Variants in TP53TG5 observed in about 807,000 individuals in gnomAD.
The protein encoded by TP53TG5 is TP53-target gene 5 protein.
A neutral mutation model predicts 30.0 loss-of-function variants in TP53TG5; 17 were observed. That is an observed-to-expected ratio of 0.57 (90% CI 0.39 to 0.85). The LOEUF is 0.85. TP53TG5 is among the 40% of genes least tolerant of loss of function. The pLI, the probability that TP53TG5 is intolerant of heterozygous loss-of-function variation, is 0.00. For missense variants in TP53TG5, 338 were observed against 367.9 expected (o/e 0.92, Z 0.67); for synonymous variants, 137 against 139.2 (o/e 0.98, Z 0.11).
chr20:45,373,781 G>A lies in TP53TG5; in HGVS notation c.*126C>T. The A allele has an allele frequency of 1.2e-6, 1 of 859,486 alleles. No homozygotes were observed. Among genetic ancestry groups the A allele is most frequent in the Non-Finnish European group, 1.9e-6 (1 of 532,882 alleles). 53.2% of individuals were successfully genotyped at this position (859,486 alleles called of 1,614,324 possible). Reference sequence around the variant, plus strand: ...ACTGACCTTAGGGGCCTCGGGGTGGGGGTGGGGGAAGCCTGAAGTCGCGAC... The same window carrying A: ...ACTGACCTTAGGGGCCTCGGGGTGGAGGTGGGGGAAGCCTGAAGTCGCGAC... On this transcript the variant is annotated 3_prime_UTR_variant, in exon 5 of 5. Transcript: ENST00000372726.
chr20:45,375,853 G>A (rs1600757382), intron 3 of TP53TG5: 2 of 371,290 alleles, frequency 5.4e-6, no homozygotes, highest in East Asian at 1.1e-4. Flanking sequence ...CAGCTGGGAG[G>A]GTGAACAGTC....
Position 45,373,904 on chromosome 20 carries a change from A to G in TP53TG5, c.*3T>C. 6.2e-7 allele frequency: 1 copy of G among 1,613,410 alleles called. No homozygotes were observed. Among genetic ancestry groups the G allele is most frequent in the African/African-American group, 1.3e-5 (1 of 74,946 alleles). On this transcript the variant is annotated 3_prime_UTR_variant, in exon 5 of 5. Coordinates refer to ENST00000372726, the MANE Select transcript of TP53TG5 (RefSeq NM_014477.3). ...ATTCGTCTTAGGTGCCATATGGAAG[A>G]TCTTATTTGTAGACTCGTGAATTTC...
At chr20:45,375,859 C>T in intron 3 of TP53TG5, 1 of 360,866 alleles carries the variant, frequency 2.8e-6, no homozygotes, top group Non-Finnish European at 5.1e-6. Context: ...GGAGGGTGAA[C>T]AGTCCAGTAG....
At chr20:45,378,067 T>TCCCTTCA (rs1988785932) in intron 1 of TP53TG5, 122 bp downstream of exon 1, 1 of 1,362,546 alleles carries the variant, frequency 7.3e-7, no homozygotes, top group African/African-American at 1.4e-5. Flanking sequence ...TCTCCTGACC[T>TCCCTTCA]CCCTTCACCC....
rs759659207 is a variant in TP53TG5 at position 45,375,138 on chromosome 20, G to A, written c.669C>T (p.Pro223=). The A allele has an allele frequency of 6.2e-7, 1 of 1,614,126 alleles. No homozygotes were observed. Among genetic ancestry groups the A allele is most frequent in the East Asian group, 2.2e-5 (1 of 44,884 alleles). ...GLPTRIHLPA[P]RVMCRSSTLR... The stretch of plus-strand genomic sequence containing the variant: ...GGGTGGAGGATCTGCACATCACCCT[G>A]GGCGCCGGGAGGTGGATTCGTGTGG... Residue 223 remains proline, a synonymous_variant, in exon 4 of 5, where the codon CCC becomes CCT. Transcript: ENST00000372726.
In TP53TG5 at chr20:45,372,948, C is replaced by T. The variant is rs1444348376; in HGVS notation, c.*959G>A. ...GGGCGGGGTGGGAGGGGGGGAGAGT[C>T]CATCCAATCGTTCTCCCTCTGTCCC... is the stretch of plus-strand genomic sequence containing the variant. On this transcript the variant is annotated 3_prime_UTR_variant, in exon 5 of 5. Coordinates refer to ENST00000372726, the MANE Select transcript of TP53TG5 (RefSeq NM_014477.3). The T allele has an allele frequency of 1.3e-5, 2 of 151,984 alleles. No homozygotes were observed. Among genetic ancestry groups the T allele is most frequent in the Non-Finnish European group, 2.9e-5 (2 of 68,036 alleles). 9.4% of individuals were successfully genotyped at this position (151,984 alleles called of 1,614,324 possible).
At chr20:45,377,663 T>G (rs1988773729) in intron 1 of TP53TG5, 50 bp from the exon 2 acceptor site, 3 of 1,574,226 alleles carry the variant, frequency 1.9e-6, no homozygotes, top group Middle Eastern at 3.4e-4. Flanking sequence ...ATCAGCCAGG[T>G]GTGGTGCCTC....
In TP53TG5 at chr20:45,373,293, C is replaced by G. The variant is rs550901672; in HGVS notation, c.*614G>C. 1 of 157,328 alleles carries G rather than the reference C, an allele frequency of 6.4e-6. No individual in the cohort carries two copies. The highest frequency in any genetic ancestry group is 1.4e-5 in the Non-Finnish European group (1 of 70,538). The allele number at this position is 157,328 out of a possible 1,614,324, so 9.7% of individuals were successfully genotyped here. A position where few individuals can be genotyped will look rare whatever the true frequency, so the allele number is the denominator to read the frequency against. On this transcript the variant is annotated 3_prime_UTR_variant, in exon 5 of 5. Transcript: ENST00000372726. ...AGTAGAGATGCAGTACCAGCTCCCC[C>G]TCCTGATCCGGTGCCTTCTGTGATC...
Position 45,373,999 on chromosome 20 carries a change from A to C in TP53TG5, c.781T>G (p.Trp261Gly), listed in dbSNP as rs773867397. 2.5e-6 allele frequency: 4 copies of C among 1,614,030 alleles called. No individual in the cohort carries two copies. Among genetic ancestry groups the C allele is most frequent in the Non-Finnish European group, 3.4e-6 (4 of 1,180,036 alleles). The change falls in exon 5 of 5, where the codon TGG becomes GGG. Residue 261 changes from tryptophan to glycine, a missense_variant. Trp to Gly is a radical substitution (Grantham distance 184, BLOSUM62 -2). Transcript: ENST00000372726. Reference protein sequence around the residue: ...MWHPYKVDVTWTRARGASRGW... With the variant: ...MWHPYKVDVTGTRARGASRGW... ...CTGCTCGCACCTCTGGCTCTCGTCC[A>C]GGTCACATCAACCTGCCAGCAGAAA...
In TP53TG5 at chr20:45,375,319, G is replaced by A. The variant is rs374959663; in HGVS notation, c.488C>T (p.Ser163Leu). 2.0e-5 allele frequency: 33 copies of A among 1,613,988 alleles called. No homozygotes were observed. In the African/African-American group the frequency reaches 2.3e-4, roughly 11 times the overall value. Residue 163 changes from serine (S) to leucine (L), a missense_variant, in exon 4 of 5, where the codon TCG (serine) becomes TTG (leucine). Coordinates refer to ENST00000372726, the MANE Select transcript of TP53TG5 (RefSeq NM_014477.3). ...KHIEPEVPRTSRDDSLNPGVQ... is the reference protein window; with the variant it reads ...KHIEPEVPRTLRDDSLNPGVQ... The stretch of plus-strand genomic sequence containing the variant: ...TCCAGGGTTCAAGCTATCATCCCTC[G>A]ATGTCCTTGGAACCTCAGGCTCTAT...
rs766516206 is a variant in TP53TG5, at chr20:45,378,242, G to A, written c.-6C>T. ...TTCTTTGCTGATGGACTCATGCTGGGGCTGTGAGACCTCAGAGATGAATGG... is the reference window on the plus strand; with the variant it reads ...TTCTTTGCTGATGGACTCATGCTGGAGCTGTGAGACCTCAGAGATGAATGG... On this transcript the variant is annotated 5_prime_UTR_variant, in exon 1 of 5. Transcript: ENST00000372726. 4 of 1,614,096 alleles carry A rather than the reference G, an allele frequency of 2.5e-6. No individual in the cohort carries two copies. The South Asian group carries it at 3.3e-5, about 13-fold the overall frequency.
chr20:45,373,514 G>T lies in TP53TG5; in HGVS notation c.*393C>A. ...TCTCATTTCGCCTTTTCCCTTTCTT[G>T]GGAAAATGGAATGGGGAGCAACCAG... On this transcript the variant is annotated 3_prime_UTR_variant, in exon 5 of 5. Coordinates refer to ENST00000372726, the MANE Select transcript of TP53TG5 (RefSeq NM_014477.3). The T allele has an allele frequency of 4.0e-6, 1 of 251,274 alleles. No individual in the cohort carries two copies. Among genetic ancestry groups the T allele is most frequent in the South Asian group, 6.4e-5 (1 of 15,586 alleles). 15.6% of individuals were successfully genotyped at this position (251,274 alleles called of 1,614,324 possible). A position where few individuals can be genotyped will look rare whatever the true frequency, so the allele number is the denominator to read the frequency against.
At position 45,373,669 on chromosome 20, in the gene TP53TG5, C is replaced by G. The variant is rs936991820; in HGVS notation, c.*238G>C. ...ACTTTGCACCCAGGAAGCACACGAG[C>G]GCCCTGACTTCACAGAGCGCGCCAC... On this transcript the variant is annotated 3_prime_UTR_variant, in exon 5 of 5. Transcript: ENST00000372726. The G allele has an allele frequency of 1.8e-6, 1 of 559,552 alleles. No homozygotes were observed. The highest frequency in any genetic ancestry group is 1.9e-5 in the African/African-American group (1 of 53,182). The allele number at this position is 559,552 out of a possible 1,614,324, so 34.7% of individuals were successfully genotyped here.
chr20:45,373,770 C>A lies in TP53TG5; in HGVS notation c.*137G>T. 1.3e-6 allele frequency: 1 copy of A among 774,876 alleles called. No homozygotes were observed. Among genetic ancestry groups the A allele is most frequent in the Non-Finnish European group, 2.1e-6 (1 of 465,520 alleles). 48.0% of individuals were successfully genotyped at this position (774,876 alleles called of 1,614,324 possible). A position where few individuals can be genotyped will look rare whatever the true frequency, so the allele number is the denominator to read the frequency against. ...TTTGGTTCTAGACTGACCTTAGGGG[C>A]CTCGGGGTGGGGGTGGGGGAAGCCT... On this transcript the variant is annotated 3_prime_UTR_variant, in exon 5 of 5. Coordinates refer to ENST00000372726, the MANE Select transcript of TP53TG5 (RefSeq NM_014477.3).
Position 45,378,324 on chromosome 20 carries a change from C to CTGGG in TP53TG5, c.-89_-88insCCCA, listed in dbSNP as rs1600760090. ...CCTCTCAGTTCAGCCAGCACTCAGGCTGGGCATCAGATGGTGGTGCTGGCT... is the reference window on the plus strand; with the variant it reads ...CCTCTCAGTTCAGCCAGCACTCAGGCTGGGTGGGCATCAGATGGTGGTGCTGGCT... On this transcript the variant is annotated 5_prime_UTR_variant, in exon 1 of 5. Coordinates refer to ENST00000372726, the MANE Select transcript of TP53TG5 (RefSeq NM_014477.3). 3.7e-6 allele frequency: 6 copies of CTGGG among 1,602,336 alleles called. No homozygotes were observed. In the East Asian group the frequency reaches 1.3e-4, roughly 36 times the overall value.
At position 45,377,721 on chromosome 20, in the gene TP53TG5, T is replaced by C. The variant is rs569356155; in HGVS notation, c.49-108A>G. ...GGGAGGCCGAGGTGGGTGGCTCATT[T>C]GAGGTCAGGAGTTTGAGATGCCTGG... On this transcript the variant is annotated intron_variant, in intron 1 of 4. Coordinates refer to ENST00000372726, the MANE Select transcript of TP53TG5 (RefSeq NM_014477.3). 1.1e-5 allele frequency: 11 copies of C among 1,022,412 alleles called. No individual in the cohort carries two copies. In the Admixed American group the frequency reaches 2.2e-4, roughly 20 times the overall value. The allele number at this position is 1,022,412 out of a possible 1,614,324, so 63.3% of individuals were successfully genotyped here.
intron 4 of TP53TG5, 28 bp from the exon 5 acceptor site, chr20:45,374,039 G>A (rs1600754750): frequency 6.2e-7 from 1 of 1,607,974 alleles, no homozygotes; most frequent in Non-Finnish European, 8.5e-7. Flanking sequence ...GGTGTTAGGC[G>A]CTAAGACTGT....
At chr20:45,377,917 G>A (rs1479627579) in intron 1 of TP53TG5, among the ~76,000 whole-genome samples, 1 of 152,196 alleles carries the variant, frequency 6.6e-6, no homozygotes, top group Non-Finnish European at 1.5e-5. Context: ...ACTCCAGCCT[G>A]GGCGACAGAG....
At chr20:45,376,088 A>G (rs559598832) in intron 3 of TP53TG5, 1 of 152,606 alleles carries the variant, frequency 6.6e-6, no homozygotes, top group African/African-American at 2.4e-5. Context: ...TCCATACAAA[A>G]AAAAAATTTT....
Sources: gnomAD v4.1 joint callset for allele counts (sites outside exome capture counted in the v4.1 genomes callset) on GRCh38, gnomAD v4.1.1 for gene constraint, MANE v1.5 for transcripts, NCBI Gene and HGNC (gene_info 2026-07-23, HGNC 2026-07-21) for gene names.